ZDHHC14: variants seen among roughly 807,000 people sequenced by gnomAD.
The protein encoded by ZDHHC14 is zDHHC palmitoyltransferase 14.
ZDHHC14 carries 16 observed loss-of-function variants against 47.7 expected under a neutral mutation model. The observed-to-expected ratio is 0.34, with a 90% CI of 0.23 to 0.51. The LOEUF is 0.51. Among genes scored for constraint, ZDHHC14 ranks in the 20% least tolerant of loss-of-function variants. ZDHHC14 has a pLI of 0.97. For missense variants in ZDHHC14, 515 were observed against 662.5 expected (o/e 0.78, Z 2.44); for synonymous variants, 293 against 278.9 (o/e 1.05, Z -0.50).
At chr6:157,573,859 G>T (rs1204748617) in intron 2 of ZDHHC14, among the ~76,000 whole-genome samples, 1 of 152,074 alleles carries the variant, frequency 6.6e-6, no homozygotes, top group African/African-American at 2.4e-5. Flanking sequence ...TCCCACATCA[G>T]CATTCCCCGT....
intron 2 of ZDHHC14, among the ~76,000 whole-genome samples, chr6:157,547,204 C>A (rs1208733015): frequency 6.6e-6 from 1 of 152,208 alleles, no homozygotes; most frequent in Non-Finnish European, 1.5e-5. Flanking sequence ...GTGTGTGTTC[C>A]TTCTCTCCTT....
Position 157,586,751 on chromosome 6 carries a change from T to A in ZDHHC14, c.407-6237T>A, listed in dbSNP as rs1435404420. On this transcript the variant is annotated intron_variant, in intron 2 of 8. Transcript: ENST00000359775. This position sits in a 1 kb window ranked among gnomAD's most constrained non-coding sequence, Gnocchi z 4.6. ...ATATTGGTTGACTTTTTTCATGGCA[T>A]CGCTGGGCCCTGAATCCAGGTCTTC... 1.3e-5 allele frequency among the ~76,000 whole-genome samples: 2 copies of A among 152,208 alleles called. No homozygotes were observed. Among genetic ancestry groups the A allele is most frequent in the Non-Finnish European group, 2.9e-5 (2 of 68,038 alleles).
intron 1 of ZDHHC14, among the ~76,000 whole-genome samples, chr6:157,489,695 C>A (rs902475035): frequency 6.6e-6 from 1 of 152,206 alleles, no homozygotes; most frequent in African/African-American, 2.4e-5. Context: ...ATAAGAACCG[C>A]AATGCGTGGC....
chr6:157,579,544 A>G (rs1026936226), intron 2 of ZDHHC14, among the ~76,000 whole-genome samples: 3 of 152,052 alleles, frequency 2.0e-5, no homozygotes, highest in Non-Finnish European at 4.4e-5. Flanking sequence ...TTCCATTTGT[A>G]TGTGTCATCA....
intron 1 of ZDHHC14, among the ~76,000 whole-genome samples, chr6:157,451,923 G>T (rs1778812457): frequency 1.3e-5 from 2 of 152,180 alleles, no homozygotes; most frequent in Admixed American, 6.5e-5. Flanking sequence ...GCAGGCCAAG[G>T]GAACAAAAAG....
intron 1 of ZDHHC14, among the ~76,000 whole-genome samples, chr6:157,497,024 G>C (rs1216420360): frequency 1.3e-5 from 2 of 152,206 alleles, no homozygotes; most frequent in Non-Finnish European, 2.9e-5. Context: ...CAGCATGAGT[G>C]GGTGGGTTAG....
intron 4 of ZDHHC14, among the ~76,000 whole-genome samples, chr6:157,629,146 A>G (rs1285068598): frequency 6.6e-6 from 1 of 152,246 alleles, no homozygotes; most frequent in Admixed American, 6.5e-5. Context: ...CTATTTGCCT[A>G]AGCAAATGGC....
intron 1 of ZDHHC14, among the ~76,000 whole-genome samples, chr6:157,389,385 A>AT (rs917764232): frequency 6.6e-6 from 1 of 152,104 alleles, no homozygotes; most frequent in Non-Finnish European, 1.5e-5. Flanking sequence ...TCTGCATGTA[A>AT]TTTTTTAAGA....
intron 1 of ZDHHC14, among the ~76,000 whole-genome samples, chr6:157,434,088 T>TA (rs1356075591): frequency 6.6e-6 from 1 of 152,072 alleles, no homozygotes; most frequent in African/African-American, 2.4e-5. Flanking sequence ...AAAAGATTTT[T>TA]AAAAATCCAG....
chr6:157,385,519 C>T (rs1293429936), intron 1 of ZDHHC14, among the ~76,000 whole-genome samples: 1 of 152,248 alleles, frequency 6.6e-6, no homozygotes. Context: ...TAGCCCTCCC[C>T]TGTCTGCAAT....
At chr6:157,440,162 TTAATAATAA>T (rs199803371) in intron 1 of ZDHHC14, among the ~76,000 whole-genome samples, 11 of 147,978 alleles carry the variant, frequency 7.4e-5, no homozygotes, top group East Asian at 2.0e-4. Flanking sequence ...CCCTGGAACT[TTAATAATAA>T]TAATAATAAT....
intron 1 of ZDHHC14, among the ~76,000 whole-genome samples, chr6:157,492,914 G>A (rs567590171): frequency 1.3e-5 from 2 of 152,270 alleles, no homozygotes; most frequent in African/African-American, 4.8e-5. Flanking sequence ...CAGCAAGAAA[G>A]GCTGTGGGAA....
intron 3 of ZDHHC14, among the ~76,000 whole-genome samples, chr6:157,597,907 G>A (rs1270027964): frequency 2.6e-5 from 4 of 152,338 alleles, no homozygotes; most frequent in East Asian, 1.9e-4. Flanking sequence ...GTGTCCAGTC[G>A]CTTTTATTTC....
At chr6:157,437,904 A>G (rs543941720) in intron 1 of ZDHHC14, among the ~76,000 whole-genome samples, 2 of 151,082 alleles carry the variant, frequency 1.3e-5, no homozygotes, top group Non-Finnish European at 2.9e-5. Flanking sequence ...GGGATGGTAG[A>G]GTTAAAAAAA....
At chr6:157,432,357 G>T (rs1391475184) in intron 1 of ZDHHC14, among the ~76,000 whole-genome samples, 1 of 152,150 alleles carries the variant, frequency 6.6e-6, no homozygotes, top group Non-Finnish European at 1.5e-5. Context: ...TCATTCCTTT[G>T]TTAATAAAAT....
intron 1 of ZDHHC14, among the ~76,000 whole-genome samples, chr6:157,517,433 C>T (rs935484740): frequency 2.0e-5 from 3 of 151,998 alleles, no homozygotes; most frequent in African/African-American, 7.3e-5. Flanking sequence ...GCCTCAGCCT[C>T]CCGAGTAGCT....
chr6:157,486,557 T>C (rs1779783153), intron 1 of ZDHHC14, among the ~76,000 whole-genome samples: 1 of 152,204 alleles, frequency 6.6e-6, no homozygotes, highest in Admixed American at 6.5e-5. Flanking sequence ...GAGCACATAT[T>C]GAGCACCTAC....
At chr6:157,663,377 A>G (rs1316545975) in intron 8 of ZDHHC14, among the ~76,000 whole-genome samples, 1 of 152,182 alleles carries the variant, frequency 6.6e-6, no homozygotes, top group Non-Finnish European at 1.5e-5. Flanking sequence ...CCACCCAGAG[A>G]TGTCAGACTT....
At chr6:157,403,180 T>C (rs1243625289) in intron 1 of ZDHHC14, among the ~76,000 whole-genome samples, 5 of 152,214 alleles carry the variant, frequency 3.3e-5, no homozygotes, top group African/African-American at 1.2e-4. Context: ...TCAGAGAAAA[T>C]GTAAATTGAA....
Sources: allele counts gnomAD v4.1 joint callset (sites outside exome capture counted in the v4.1 genomes callset), GRCh38; gene constraint gnomAD v4.1.1; non-coding constraint Gnocchi (gnomAD v3.1); transcripts MANE v1.5; gene names NCBI Gene and HGNC (gene_info 2026-07-23, HGNC 2026-07-21).